Variants in PDE4DIP observed in about 807,000 individuals in gnomAD.
PDE4DIP encodes myomegalin.
A neutral mutation model predicts 221.4 loss-of-function variants in PDE4DIP; 59 were observed. The observed-to-expected ratio is 0.27, with a 90% CI of 0.22 to 0.33. PDE4DIP has a LOEUF of 0.33. Ranked by LOEUF, PDE4DIP falls within the 10% of genes least tolerant of loss-of-function variation. The pLI is 1.00. For synonymous variants in PDE4DIP, 404 were observed against 815.9 expected (o/e 0.50, Z 8.60); for missense variants, 1,036 against 2,154.2 (o/e 0.48, Z 10.28).
At chr1:148,939,357 G>T (rs1553477901) in intron 5 of PDE4DIP, among the ~76,000 whole-genome samples, 1 of 151,946 alleles carries the variant, frequency 6.6e-6, no homozygotes, top group African/African-American at 2.4e-5. Flanking sequence ...GCAATGATAA[G>T]AATTAGTTTA....
upstream of PDE4DIP, among the ~76,000 whole-genome samples, chr1:148,889,061 A>G (rs1553433483): frequency 6.6e-6 from 1 of 151,354 alleles, no homozygotes; most frequent in Non-Finnish European, 1.5e-5. Flanking sequence ...AAAGGAACTC[A>G]TTAGAAGTGA....
At chr1:148,998,406 T>G (rs587680533) in intron 23 of PDE4DIP, 31 bp downstream of exon 26, 7 of 1,400,866 alleles carry the variant, frequency 5.0e-6, no homozygotes. Flanking sequence ...AAGGGGAGCT[T>G]GCAGGTCATG....
intron 43 of PDE4DIP, chr1:149,031,037 T>A (rs74587777): frequency 3.3e-6 from 1 of 299,530 alleles, no homozygotes; most frequent in Non-Finnish European, 4.9e-6. Flanking sequence ...ATGTTTCTAA[T>A]CCATAACCTG....
At chr1:148,917,118 A>G (rs1346153134) in intron 1 of PDE4DIP, among the ~76,000 whole-genome samples, 3 of 149,822 alleles carry the variant, frequency 2.0e-5, no homozygotes, top group Non-Finnish European at 3.0e-5. Context: ...GAGGGGAGAG[A>G]ATCGCTGAGA....
chr1:148,913,676 C>CTT (rs2043204681), intron 1 of PDE4DIP, among the ~76,000 whole-genome samples: 1 of 126,602 alleles, frequency 7.9e-6, no homozygotes, highest in African/African-American at 3.1e-5. Context: ...AGTGATCAGA[C>CTT]TTAGGTAATA....
exon 41 of PDE4DIP, chr1:149,028,695 G>A (rs782741762): frequency 3.2e-6 from 5 of 1,581,782 alleles, no homozygotes; most frequent in African/African-American, 2.7e-5. Context: ...TGTGCTGCCT[G>A]GCAAAGTGGT....
intron 38 of PDE4DIP, among the ~76,000 whole-genome samples, chr1:149,025,482 C>T (rs1383236151): frequency 8.5e-5 from 13 of 152,162 alleles, no homozygotes; most frequent in Non-Finnish European, 7.3e-5. Context: ...TTCAGATAGG[C>T]GTGTTTGACC....
intron 1 of PDE4DIP, among the ~76,000 whole-genome samples, chr1:148,925,697 G>A (rs1488575576): frequency 6.6e-6 from 1 of 151,732 alleles, no homozygotes; most frequent in African/African-American, 2.4e-5. Context: ...TTGTTGCACA[G>A]CTGTGTGCAA....
intron 31 of PDE4DIP, 21 bp downstream of exon 34, chr1:149,010,616 C>T (rs781853165): frequency 6.2e-7 from 1 of 1,611,838 alleles, no homozygotes; most frequent in Non-Finnish European, 8.5e-7. Context: ...GCCAATGGGG[C>T]AGAAGCTTCA....
chr1:148,979,994 A>AC, intron 20 of PDE4DIP, 145 bp downstream of exon 23: 2 of 1,124,362 alleles, frequency 1.8e-6, no homozygotes, highest in Non-Finnish European at 2.5e-6. Context: ...TACCGGGGCT[A>AC]CCCACTTTGT....
At chr1:148,962,915 CAG>C (rs1161338456) in intron 9 of PDE4DIP, among the ~76,000 whole-genome samples, 2 of 152,048 alleles carry the variant, frequency 1.3e-5, no homozygotes, top group African/African-American at 2.4e-5. Flanking sequence ...TTTTTTGAGA[CAG>C]AGTCTCGCTC....
chr1:148,964,105 T>C (rs1405174134), intron 9 of PDE4DIP, among the ~76,000 whole-genome samples: 2 of 140,290 alleles, frequency 1.4e-5, no homozygotes, highest in Non-Finnish European at 3.1e-5. Flanking sequence ...TTTTCTTTCT[T>C]TCTTTCATTT....
intron 9 of PDE4DIP, among the ~76,000 whole-genome samples, chr1:148,964,183 C>A (rs1383744640): frequency 6.6e-6 from 1 of 150,618 alleles, no homozygotes; most frequent in Non-Finnish European, 1.5e-5. Flanking sequence ...AATCTCGGCT[C>A]ACTGCAACCT....
exon 27 of PDE4DIP, chr1:149,005,189 G>C (rs781923977): frequency 3.7e-6 from 6 of 1,613,410 alleles, no homozygotes; most frequent in South Asian, 1.1e-5. Context: ...GTGATTATTC[G>C]TCTAGTCTGG....
exon 30 of PDE4DIP, chr1:149,009,624 T>G: frequency 6.2e-7 from 1 of 1,614,110 alleles, no homozygotes; most frequent in South Asian, 1.1e-5. Context: ...CAGGCCAAGC[T>G]GGATGCTCGG....
chr1:148,967,959 C>A (rs1553520563), intron 13 of PDE4DIP, 54 bp downstream of exon 16: 3 of 869,950 alleles, frequency 3.4e-6, no homozygotes, highest in Non-Finnish European at 5.5e-6. Flanking sequence ...GTAATCTCAG[C>A]CTTGGATTAG....
At chr1:148,838,658 T>C (rs1475749435) in intron 1 of PDE4DIP, among the ~76,000 whole-genome samples, 8 of 130,700 alleles carry the variant, frequency 6.1e-5, no homozygotes, top group African/African-American at 2.1e-4. Flanking sequence ...AGCCCACTTT[T>C]TTTTCTTTTT....
At chr1:148,857,849 T>G in intron 1 of PDE4DIP, among the ~76,000 whole-genome samples, 4 of 82,070 alleles carry the variant, frequency 4.9e-5, no homozygotes, top group African/African-American at 1.2e-4. Context: ...AACAGGAAGT[T>G]GGAAGATGTC....
intron 9 of PDE4DIP, among the ~76,000 whole-genome samples, chr1:148,963,212 C>T (rs1292123794): frequency 6.6e-6 from 1 of 152,194 alleles, no homozygotes; most frequent in Non-Finnish European, 1.5e-5. Flanking sequence ...TATTGTTAAT[C>T]TGTCAGTATG....
Sources: allele counts gnomAD v4.1 joint callset (sites outside exome capture counted in the v4.1 genomes callset), GRCh38; gene constraint gnomAD v4.1.1; transcripts MANE v1.5; gene names NCBI Gene and HGNC (gene_info 2026-07-23, HGNC 2026-07-21).